The following ALKBH1 variants were observed in gnomAD, a reference collection of about 807,000 sequenced individuals.
The protein encoded by ALKBH1 is alkB homolog 1, histone H2A dioxygenase, also known as nucleic acid dioxygenase ALKBH1.
ALKBH1 carries 31 observed loss-of-function variants against 36.6 expected under a neutral mutation model. The ratio of observed to expected loss-of-function variants is 0.85; its 90% CI spans 0.64 to 1.14. The LOEUF (loss-of-function observed/expected upper bound fraction) is 1.14. Among genes scored for constraint, ALKBH1 ranks in the 50% most tolerant of loss-of-function variants. The pLI is 0.00. For synonymous variants in ALKBH1, 183 were observed against 186.6 expected (o/e 0.98, Z 0.16); for missense variants, 490 against 497.3 (o/e 0.99, Z 0.14).
At chr14:77,681,125 T>C (rs375732627) in intron 3 of ALKBH1, among the ~76,000 whole-genome samples, 2 of 152,092 alleles carry the variant, frequency 1.3e-5, no homozygotes, top group African/African-American at 2.4e-5. Context: ...ACTATGGCTG[T>C]GTAAAAAAGA....
intron 4 of ALKBH1, 39 bp from the exon 5 acceptor site, chr14:77,675,888 G>A: frequency 6.6e-7 from 1 of 1,516,944 alleles, no homozygotes; most frequent in Non-Finnish European, 9.1e-7. Flanking sequence ...AATAAACAAT[G>A]ATCTCAGGAA....
At chr14:77,684,540 T>C (rs2080257185) in intron 3 of ALKBH1, among the ~76,000 whole-genome samples, 1 of 151,994 alleles carries the variant, frequency 6.6e-6, no homozygotes, top group African/African-American at 2.4e-5. Flanking sequence ...TTTGTATTTT[T>C]AGTAGAGATG....
At chr14:77,697,282 C>T (rs533672853) in intron 2 of ALKBH1, 175 of 155,112 alleles carry the variant, frequency 1.1e-3, no homozygotes, top group Admixed American at 2.7e-3. Context: ...TGGCCCAGTA[C>T]TGAGGCTCTG....
At chr14:77,682,869 G>C (rs1215539766) in intron 3 of ALKBH1, among the ~76,000 whole-genome samples, 1 of 152,000 alleles carries the variant, frequency 6.6e-6, no homozygotes, top group Admixed American at 6.6e-5. Context: ...GCTAATTTTT[G>C]TATTTTTTGT....
intron 3 of ALKBH1, among the ~76,000 whole-genome samples, chr14:77,693,415 C>T (rs1447688083): frequency 2.0e-5 from 3 of 152,094 alleles, no homozygotes; most frequent in Admixed American, 2.0e-4. Context: ...TTCTTGAAGA[C>T]AGGAACTGTT....
chr14:77,700,973 T>C (rs1403746513), intron 2 of ALKBH1, among the ~76,000 whole-genome samples: 1 of 152,050 alleles, frequency 6.6e-6, no homozygotes, highest in Admixed American at 6.6e-5. Flanking sequence ...TGCAAGCCAA[T>C]GGTCCCAGCT....
chr14:77,698,896 G>A (rs2080343570), intron 2 of ALKBH1, among the ~76,000 whole-genome samples: 1 of 152,132 alleles, frequency 6.6e-6, no homozygotes, highest in Admixed American at 6.6e-5. Flanking sequence ...TTACAGGCTT[G>A]GACTACCATG....
In ALKBH1 at chr14:77,707,857, G is replaced by A. The variant is rs754139946; in HGVS notation, c.148C>T (p.His50Tyr). 22 of 1,612,084 alleles carry A rather than the reference G, an allele frequency of 1.4e-5. No homozygotes were observed. In the Admixed American group the frequency reaches 3.7e-4, roughly 27 times the overall value. The part of the protein sequence containing the change: ...LEGVIDFSAA[H>Y]AARGKGPGAQ... ...CCAGGACCCTTGCCACGGGCTGCGT[G>A]GGCCGCCGAGAAGTCGATGACCCCT... The change falls in exon 1 of 6, where the codon CAC (histidine) becomes TAC (tyrosine). Residue 50 changes from histidine (H) to tyrosine (Y), a missense_variant. Coordinates refer to ENST00000216489, the MANE Select transcript of ALKBH1 (RefSeq NM_006020.3).
chr14:77,703,790 A>T (rs2139867383), intron 2 of ALKBH1, among the ~76,000 whole-genome samples: 1 of 151,166 alleles, frequency 6.6e-6, no homozygotes, highest in South Asian at 2.1e-4. Context: ...TAGAGACGGG[A>T]TTTCACCATG....
At chr14:77,701,603 T>C (rs537617898) in intron 2 of ALKBH1, among the ~76,000 whole-genome samples, 1 of 152,224 alleles carries the variant, frequency 6.6e-6, no homozygotes, top group African/African-American at 2.4e-5. Context: ...CTCACACAAG[T>C]GTGAGGACAG....
chr14:77,686,209 G>C (rs1333440631), intron 3 of ALKBH1, among the ~76,000 whole-genome samples: 1 of 152,118 alleles, frequency 6.6e-6, no homozygotes. Context: ...ACTGTGAATA[G>C]TAAGACCAAA....
chr14:77,693,224 A>T (rs12436651), intron 3 of ALKBH1, among the ~76,000 whole-genome samples: 54,963 of 126,122 alleles, frequency 0.44, 12,313 homozygotes, highest in Admixed American at 0.54. Context: ...AAAAAAAAAA[A>T]TTTTTTTTCA....
intron 2 of ALKBH1, among the ~76,000 whole-genome samples, chr14:77,702,630 T>C (rs1248117459): frequency 6.6e-6 from 1 of 152,244 alleles, no homozygotes; most frequent in Non-Finnish European, 1.5e-5. Flanking sequence ...TAACATTACC[T>C]ATTCTTCATT....
In ALKBH1 at chr14:77,694,726, G is replaced by A. The variant is rs1353715356; in HGVS notation, c.455+12C>T. The A allele has an allele frequency of 6.4e-7, 1 of 1,569,936 alleles. No individual in the cohort carries two copies. Among genetic ancestry groups the A allele is most frequent in the Admixed American group, 1.9e-5 (1 of 52,420 alleles). ...TGAGTATTAACACTTCATTCTGATT[G>A]ACAAGACTTACCTCAGGAACTCTTT... On this transcript the variant is annotated intron_variant, in intron 3 of 5. Transcript: ENST00000216489.
chr14:77,683,169 T>G (rs2080248096), intron 3 of ALKBH1: 1 of 457,700 alleles, frequency 2.2e-6, no homozygotes, highest in Non-Finnish European at 3.9e-6. Flanking sequence ...TTTTTTTTTT[T>G]TTACAAACAG....
At chr14:77,692,169 C>T (rs1317098500) in intron 3 of ALKBH1, among the ~76,000 whole-genome samples, 3 of 152,182 alleles carry the variant, frequency 2.0e-5, no homozygotes, top group Non-Finnish European at 2.9e-5. Flanking sequence ...GGACTTCTCA[C>T]GTATTATCTT....
intron 3 of ALKBH1, among the ~76,000 whole-genome samples, chr14:77,692,887 C>T (rs936006815): frequency 1.4e-5 from 2 of 147,950 alleles, no homozygotes; most frequent in Non-Finnish European, 3.0e-5. Context: ...CAGGCACACA[C>T]CACTATGCCC....
At chr14:77,707,765 C>T in intron 1 of ALKBH1, 57 bp downstream of exon 1, 2 of 1,530,526 alleles carry the variant, frequency 1.3e-6, no homozygotes, top group South Asian at 1.2e-5. Context: ...ACACGTAAGT[C>T]CCTCCAAGAC....
At chr14:77,690,780 C>T (rs1223284658) in intron 3 of ALKBH1, among the ~76,000 whole-genome samples, 5 of 151,808 alleles carry the variant, frequency 3.3e-5, no homozygotes, top group African/African-American at 1.2e-4. Flanking sequence ...CAAACAATGT[C>T]ACAATGAAGA....
Sources: gnomAD v4.1 joint callset for allele counts (sites outside exome capture counted in the v4.1 genomes callset) on GRCh38, gnomAD v4.1.1 for gene constraint, MANE v1.5 for transcripts, NCBI Gene and HGNC (gene_info 2026-07-23, HGNC 2026-07-21) for gene names.